NF1: variants seen among roughly 807,000 people sequenced by gnomAD.
NF1 encodes the protein neurofibromin 1.
Under a neutral mutation model 325.7 loss-of-function variants are expected in NF1, and 122 were observed. The observed-to-expected ratio is 0.37, with a 90% CI of 0.32 to 0.44. NF1 has a LOEUF of 0.44. Among genes scored for constraint, NF1 ranks in the 20% least tolerant of loss-of-function variants. NF1 has a pLI of 1.00. For missense variants in NF1, 2,140 were observed against 3,415.4 expected (o/e 0.63, Z 9.31); for synonymous variants, 1,091 against 1,186.0 (o/e 0.92, Z 1.65).
At chr17:31,356,335 A>T in intron 51 of NF1, 125 bp from the exon 52 acceptor site, 1 of 928,876 alleles carries the variant, frequency 1.1e-6, no homozygotes, top group Non-Finnish European at 1.7e-6. Flanking sequence ...GGGATGTATT[A>T]GAGCTTTCTT....
chr17:31,356,487 T>G lies in NF1; in HGVS notation c.7643T>G (p.Ile2548Arg), dbSNP rs864622266. Reference protein sequence around the residue: ...LGTRKSFDHLISDTKAPKRQE... With the variant: ...LGTRKSFDHLRSDTKAPKRQE... ...ACAAGGAAAAGTTTTGATCACTTGA[T>G]ATCAGACACAAAGGCTCCTAAAAGG... Residue 2548 changes from isoleucine (I) to arginine (R), a missense_variant, in exon 52 of 58, where the codon ATA becomes AGA. By Grantham distance (97) the Ile-to-Arg change is moderately conservative. This residue lies in a region of NF1 where 522 missense variants were observed against 749.0 expected (regional missense o/e 0.70). Transcript: ENST00000358273. The G allele has an allele frequency of 1.9e-6, 3 of 1,613,620 alleles. No individual in the cohort carries two copies. The highest frequency in any genetic ancestry group is 2.5e-6 in the Non-Finnish European group (3 of 1,179,754).
At chr17:31,324,989 G>C (rs1396738035) in intron 36 of NF1, among the ~76,000 whole-genome samples, 1 of 152,180 alleles carries the variant, frequency 6.6e-6, no homozygotes, top group Non-Finnish European at 1.5e-5. Context: ...AGATTGTTTT[G>C]ATTTGAAACT....
chr17:31,143,452 G>A (rs1435043967), intron 1 of NF1, among the ~76,000 whole-genome samples: 3 of 151,352 alleles, frequency 2.0e-5, no homozygotes, highest in African/African-American at 4.9e-5. Flanking sequence ...TGTTTTTTTT[G>A]TAGAAACAGG....
chr17:31,197,043 G>T (rs1158079184), intron 8 of NF1, among the ~76,000 whole-genome samples: 1 of 151,550 alleles, frequency 6.6e-6, no homozygotes, highest in Non-Finnish European at 1.5e-5. Flanking sequence ...TTTTAGGATG[G>T]GTTTTTCCTT....
chr17:31,212,067 A>G (rs1478534326), intron 12 of NF1, among the ~76,000 whole-genome samples: 1 of 152,186 alleles, frequency 6.6e-6, no homozygotes. Context: ...CACTTAGCTT[A>G]AAACACTTTG....
In NF1 at chr17:31,319,006, G is replaced by A. The variant is rs775494843; in HGVS notation, c.4836-6814G>A. On this transcript the variant is annotated intron_variant, in intron 36 of 57. Transcript: ENST00000358273. ...GTAATGTCCTGTGTGTTCCATGTCC[G>A]TGGGCATGCTTGGCAATCTGTTGGG... 22 of 1,599,466 alleles carry A rather than the reference G, an allele frequency of 1.4e-5. No individual in the cohort carries two copies. The highest frequency in any genetic ancestry group is 2.7e-5 in the African/African-American group (2 of 74,354).
At chr17:31,179,853 G>A (rs1049753176) in intron 5 of NF1, among the ~76,000 whole-genome samples, 3 of 151,142 alleles carry the variant, frequency 2.0e-5, no homozygotes, top group Admixed American at 6.6e-5. Context: ...TAGACCACTA[G>A]CCAGACTCAT....
At chr17:31,219,656 C>G in intron 14 of NF1, among the ~76,000 whole-genome samples, 1 of 134,872 alleles carries the variant, frequency 7.4e-6, no homozygotes. Flanking sequence ...AGTTCTTATT[C>G]ACACAGTTGT....
At chr17:31,320,060 A>G (rs536542381) in intron 36 of NF1, among the ~76,000 whole-genome samples, 15 of 152,218 alleles carry the variant, frequency 9.9e-5, no homozygotes, top group Non-Finnish European at 1.5e-4. Context: ...AATCTACCAA[A>G]TGATTGATTT....
chr17:31,322,523 AAAAAAAAAAAAAAG>A (rs2069235053), intron 36 of NF1, among the ~76,000 whole-genome samples: 2 of 142,826 alleles, frequency 1.4e-5, no homozygotes, highest in Non-Finnish European at 3.0e-5. Context: ...AAAAAAAAAA[AAAAAAAAAAAAAAG>A]AACTGGATAT....
At chr17:31,201,266 A>C in intron 10 of NF1, 107 bp downstream of exon 10, 3 of 1,506,780 alleles carry the variant, frequency 2.0e-6, no homozygotes, top group Middle Eastern at 2.0e-4. Context: ...ATTTCTCACT[A>C]TTATGTATTG....
intron 51 of NF1, among the ~76,000 whole-genome samples, chr17:31,353,083 A>T (rs2151578240): frequency 6.6e-6 from 1 of 152,028 alleles, no homozygotes; most frequent in African/African-American, 2.4e-5. Context: ...TAACTTTTGT[A>T]TTTTTAGTAG....
rs1233458588 is a variant in NF1, at chr17:31,258,257, A to G, written c.4174-87A>G. The G allele has an allele frequency of 5.6e-6, 8 of 1,419,224 alleles. No individual in the cohort carries two copies. In the African/African-American group the frequency reaches 1.1e-4, roughly 20 times the overall value. The allele number at this position is 1,419,224 out of a possible 1,614,324, so 87.9% of individuals were successfully genotyped here. A position where few individuals can be genotyped will look rare whatever the true frequency, so the allele number is the denominator to read the frequency against. On this transcript the variant is annotated intron_variant, in intron 31 of 57. Transcript: ENST00000358273. Reference sequence around the variant, plus strand: ...GAGGACTGATTGATTCAGAGTTTTTATGCAAAGTTTGACCTTTGAACTCTT... The same window carrying G: ...GAGGACTGATTGATTCAGAGTTTTTGTGCAAAGTTTGACCTTTGAACTCTT...
At chr17:31,330,675 T>TAGGA (rs1356608414) in intron 39 of NF1, 177 bp downstream of exon 39, 1 of 600,536 alleles carries the variant, frequency 1.7e-6, no homozygotes, top group Admixed American at 3.1e-5. Flanking sequence ...AACTTTTTGG[T>TAGGA]AGGCCACATT....
At chr17:31,117,833 CCTTGTTTACCATTCCTAT>C (rs1409478563) in intron 1 of NF1, among the ~76,000 whole-genome samples, 1 of 151,878 alleles carries the variant, frequency 6.6e-6, no homozygotes, top group Non-Finnish European at 1.5e-5. Flanking sequence ...GCAGAATGTC[CCTTGTTTACCATTCCTAT>C]TCCCTTCTAA....
intron 8 of NF1, among the ~76,000 whole-genome samples, chr17:31,188,413 G>A (rs984647123): frequency 6.6e-6 from 1 of 152,062 alleles, no homozygotes; most frequent in Non-Finnish European, 1.5e-5. Context: ...AGCATTTTAA[G>A]TATTGTTAAC....
chr17:31,155,970 CT>C lies in NF1; in HGVS notation c.61-4del, dbSNP rs551568608. On this transcript the variant is annotated splice_polypyrimidine_tract_variant and intron_variant, in intron 1 of 57. Coordinates refer to ENST00000358273, the MANE Select transcript of NF1 (RefSeq NM_001042492.3). ...TAAGCTGTTAACGTGTTTTTTTTTTCTTTTTTTTTCAGCTTCCAATAAAAAC... is the reference window on the plus strand; with the variant it reads ...TAAGCTGTTAACGTGTTTTTTTTTTCTTTTTTTTCAGCTTCCAATAAAAAC... The C allele has an allele frequency of 2.2e-3, 3,359 of 1,531,678 alleles. 8 individuals are homozygous for C. The highest frequency in any genetic ancestry group is 2.2e-3 in the Non-Finnish European group (2,524 of 1,135,400). 94.9% of individuals were successfully genotyped at this position (1,531,678 alleles called of 1,614,324 possible).
At chr17:31,238,483 C>T (rs2067240775) in intron 29 of NF1, among the ~76,000 whole-genome samples, 1 of 151,970 alleles carries the variant, frequency 6.6e-6, no homozygotes, top group Non-Finnish European at 1.5e-5. Flanking sequence ...ATCTGTAATC[C>T]CAGCACTTTG....
intron 36 of NF1, among the ~76,000 whole-genome samples, chr17:31,313,315 T>C (rs908000197): frequency 6.6e-6 from 1 of 152,214 alleles, no homozygotes; most frequent in African/African-American, 2.4e-5. Context: ...AGGTTATAAA[T>C]TCAGTCATAG....
Sources: gnomAD v4.1 joint callset for allele counts (sites outside exome capture counted in the v4.1 genomes callset) on GRCh38, gnomAD v4.1.1 for gene constraint, gnomAD v4.1.1 regional missense constraint, MANE v1.5 for transcripts, NCBI Gene and HGNC (gene_info 2026-07-23, HGNC 2026-07-21) for gene names.